The following ZNF814 variants were observed in gnomAD, a reference collection of about 807,000 sequenced individuals.
The protein encoded by ZNF814 is zinc finger protein 814.
A neutral mutation model predicts 7.5 loss-of-function variants in ZNF814; 5 were observed. That is an observed-to-expected ratio of 0.67 (90% confidence interval 0.35 to 1.40). The LOEUF is 1.40. Ranked by LOEUF, ZNF814 falls within the 40% of genes most tolerant of loss-of-function variation. ZNF814 has a pLI of 0.04. For synonymous variants in ZNF814, 315 were observed against 340.7 expected (o/e 0.92, Z 0.83); for missense variants, 962 against 1,018.0 (o/e 0.94, Z 0.75).
intron 2 of ZNF814, chr19:57,876,457 AC>A (rs2071608420): frequency 5.5e-6 from 1 of 183,124 alleles, no homozygotes; most frequent in Admixed American, 5.9e-5. Context: ...TCAGCCCATG[AC>A]AGCCCATGAG....
the ZNF814 span, among the ~76,000 whole-genome samples, chr19:57,902,805 C>T: frequency 9.0e-4 from 137 of 151,912 alleles, no homozygotes; most frequent in African/African-American, 3.3e-3. Context: ...GGACTACAGG[C>T]GCCCACCACC....
In ZNF814 at chr19:57,888,847, G is replaced by A. The variant is rs777212502; in HGVS notation, c.-45C>T. The A allele has an allele frequency of 3.9e-6, 6 of 1,550,250 alleles. No individual in the cohort carries two copies. The South Asian group carries it at 7.1e-5, about 18-fold the overall frequency. ...CAGAGTCGGGAGGATAGGGCGACCA[G>A]CCAGGAGATATGGGCACGACGGTCC... On this transcript the variant is annotated 5_prime_UTR_variant, in exon 1 of 3. Transcript: ENST00000435989.
rs1278133463 is a variant in ZNF814, at chr19:57,873,277, C to T, written c.2113G>A (p.Val705Ile). Residue 705 changes from valine (V) to isoleucine (I), a missense_variant, in exon 3 of 3, where the codon GTA becomes ATA. Val to Ile is a conservative substitution (Grantham distance 29). This residue lies in a region of ZNF814 where 665 missense variants were observed against 551.4 expected (regional missense o/e 1.21). Transcript: ENST00000435989. ...TCTCCATTGTGAATTCTCTGGTGTA[C>T]AAGGAGGTGAGACTTCTTCTTAAAT... ...KLFKKKSHLL[V>I]HQRIHNGEKP... is the part of the protein sequence containing the mutation. The T allele has an allele frequency of 1.9e-6, 3 of 1,597,090 alleles. No homozygotes were observed. Among genetic ancestry groups the T allele is most frequent in the Non-Finnish European group, 2.6e-6 (3 of 1,171,184 alleles).
At chr19:57,882,991 G>C (rs2071660229) in intron 1 of ZNF814, among the ~76,000 whole-genome samples, 1 of 152,142 alleles carries the variant, frequency 6.6e-6, no homozygotes, top group African/African-American at 2.4e-5. Flanking sequence ...GCTATTTTGA[G>C]GAATTTCTCA....
At chr19:57,898,964 A>G in the ZNF814 span, among the ~76,000 whole-genome samples, 3 of 148,574 alleles carry the variant, frequency 2.0e-5, no homozygotes, top group African/African-American at 7.3e-5. Context: ...AAAAGAAAAG[A>G]AAAAATCAGG....
rs535130166 is a variant in ZNF814, at chr19:57,872,356, G to C, written c.*466C>G. On this transcript the variant is annotated 3_prime_UTR_variant, in exon 3 of 3. Transcript: ENST00000435989. ...ACATTCAAAAGGCATTTCTGCAGTG[G>C]GAAGTCTCCTGTGTGTTATGAAGCT... The C allele has an allele frequency of 5.4e-6, 1 of 186,520 alleles. No homozygotes were observed. Among genetic ancestry groups the C allele is most frequent in the African/African-American group, 2.4e-5 (1 of 42,454 alleles). The allele number at this position is 186,520 out of a possible 1,614,324, so 11.6% of individuals were successfully genotyped here. A position where few individuals can be genotyped will look rare whatever the true frequency, so the allele number is the denominator to read the frequency against.
At chr19:57,887,717 C>A (rs1447581153) in intron 1 of ZNF814, among the ~76,000 whole-genome samples, 11 of 152,126 alleles carry the variant, frequency 7.2e-5, no homozygotes, top group Admixed American at 7.2e-4. Context: ...TAAGCAGATT[C>A]TCAACATATC....
chr19:57,896,337 TAAAAA>T, the ZNF814 span, among the ~76,000 whole-genome samples: 1 of 152,122 alleles, frequency 6.6e-6, no homozygotes, highest in South Asian at 2.1e-4. This position sits in a 1 kb window ranked among gnomAD's most constrained non-coding sequence, Gnocchi z 4.2. Context: ...GACAAGTGTG[TAAAAA>T]ACTAACTTCA....
In ZNF814 at chr19:57,871,966, G is replaced by C. The variant is rs868851383; in HGVS notation, c.*856C>G. The stretch of plus-strand genomic sequence containing the variant: ...TCTCCAAAACTTAAAAAAATTAGTG[G>C]AGCATGGTAGTGCATGCCTGTGGTT... On this transcript the variant is annotated 3_prime_UTR_variant, in exon 3 of 3. Transcript: ENST00000435989. Among the ~76,000 whole-genome samples the C allele has an allele frequency of 1.3e-5, 2 of 152,162 alleles. No homozygotes were observed. The highest frequency in any genetic ancestry group is 3.4e-3 in the Middle Eastern group (1 of 294).
chr19:57,888,827 T>A lies in ZNF814; in HGVS notation c.-25A>T, dbSNP rs778360839. ...TCGAACCACGTGGTTTTAAGCAGAG[T>A]CGGGAGGATAGGGCGACCAGCCAGG... is the stretch of plus-strand genomic sequence containing the variant. On this transcript the variant is annotated 5_prime_UTR_variant, in exon 1 of 3. Transcript: ENST00000435989. 7.7e-6 allele frequency: 12 copies of A among 1,550,898 alleles called. No homozygotes were observed. The highest frequency in any genetic ancestry group is 1.0e-5 in the Non-Finnish European group (12 of 1,146,854).
chr19:57,884,371 G>A (rs2071672485), intron 1 of ZNF814, among the ~76,000 whole-genome samples: 1 of 152,160 alleles, frequency 6.6e-6, no homozygotes, highest in Non-Finnish European at 1.5e-5. Context: ...ATAGCAGTTT[G>A]GGAGACTGAG....
chr19:57,900,973 A>C, the ZNF814 span, among the ~76,000 whole-genome samples: 3 of 149,850 alleles, frequency 2.0e-5, no homozygotes, highest in Admixed American at 6.7e-5. Context: ...CAGCCTCCCG[A>C]GTAGCTGGGA....
Position 57,872,595 on chromosome 19 carries a change from TCTC to T in ZNF814, c.*224_*226del. The stretch of plus-strand genomic sequence containing the variant: ...CACAAGACCTTACTCCAGTGTGAAC[TCTC>T]CTGTGTTTAATGAGACTGAAAGTTT... On this transcript the variant is annotated 3_prime_UTR_variant, in exon 3 of 3. Coordinates refer to ENST00000435989, the MANE Select transcript of ZNF814 (RefSeq NM_001144989.2). 2 of 1,195,124 alleles carry T rather than the reference TCTC, an allele frequency of 1.7e-6. No individual in the cohort carries two copies. 74.0% of individuals were successfully genotyped at this position (1,195,124 alleles called of 1,614,324 possible). A position where few individuals can be genotyped will look rare whatever the true frequency, so the allele number is the denominator to read the frequency against.
intron 1 of ZNF814, among the ~76,000 whole-genome samples, chr19:57,884,401 C>A (rs1369146141): frequency 6.6e-6 from 1 of 152,118 alleles, no homozygotes; most frequent in African/African-American, 2.4e-5. Flanking sequence ...CCACTTGAGC[C>A]TAGGAGTTTA....
upstream of ZNF814, among the ~76,000 whole-genome samples, chr19:57,890,866 T>C (rs916392202): frequency 6.6e-6 from 1 of 152,140 alleles, no homozygotes; most frequent in South Asian, 2.1e-4. Flanking sequence ...TGCAACCTCT[T>C]TGTGGGAAGA....
At chr19:57,899,949 C>T in the ZNF814 span, among the ~76,000 whole-genome samples, 2 of 152,214 alleles carry the variant, frequency 1.3e-5, no homozygotes, top group African/African-American at 2.4e-5. Context: ...AGCAAACTTA[C>T]ATTAATTCCC....
rs1057165351 is a variant in ZNF814, at chr19:57,870,487, A to G, written c.*2335T>C. ...CTGAACTGAGATCTCCCTTCTCCCT[A>G]TCATCTTCCTCCTGTTAATGCAGGA... is the stretch of plus-strand genomic sequence containing the variant. On this transcript the variant is annotated 3_prime_UTR_variant, in exon 3 of 3. Coordinates refer to ENST00000435989, the MANE Select transcript of ZNF814 (RefSeq NM_001144989.2). 4 of 152,122 alleles carry G rather than the reference A, an allele frequency of 2.6e-5. No individual in the cohort carries two copies. The highest frequency in any genetic ancestry group is 4.8e-5 in the African/African-American group (2 of 41,438). 9.4% of individuals were successfully genotyped at this position (152,122 alleles called of 1,614,324 possible).
chr19:57,883,928 T>C (rs1245654905), intron 1 of ZNF814, among the ~76,000 whole-genome samples: 1 of 152,056 alleles, frequency 6.6e-6, no homozygotes, highest in African/African-American at 2.4e-5. Flanking sequence ...AGCTAATTTT[T>C]GTATTTTTAG....
chr19:57,873,619 G>A lies in ZNF814; in HGVS notation c.1771C>T (p.Leu591Phe). ...CGKSFSSIGH[L>F]RSHQRVHTGE... ...GTATGAACGCGCTGATGGCTCCTAA[G>A]GTGCCCGATTGAACTAAAAGATTTC... The change falls in exon 3 of 3, where the codon CTT (leucine) becomes TTT (phenylalanine). Residue 591 changes from leucine (L) to phenylalanine (F), a missense_variant. Physicochemically the swap from Leu to Phe is conservative, Grantham distance 22 (BLOSUM62 0). Transcript: ENST00000435989. 6.2e-7 allele frequency: 1 copy of A among 1,613,778 alleles called. No homozygotes were observed. Among genetic ancestry groups the A allele is most frequent in the Non-Finnish European group, 8.5e-7 (1 of 1,179,964 alleles).
Sources: gnomAD v4.1 joint callset for allele counts (sites outside exome capture counted in the v4.1 genomes callset) on GRCh38, gnomAD v4.1.1 for gene constraint, gnomAD v4.1.1 regional missense constraint, Gnocchi (gnomAD v3.1) non-coding constraint, MANE v1.5 for transcripts, NCBI Gene and HGNC (gene_info 2026-07-23, HGNC 2026-07-21) for gene names.